The following CTNNB1 variants were observed in gnomAD, a reference collection of about 807,000 sequenced individuals.
CTNNB1 encodes catenin beta-1.
Under a neutral mutation model 82.5 loss-of-function variants are expected in CTNNB1, and 6 were observed. That is an observed-to-expected ratio of 0.07 (90% CI 0.04 to 0.14). CTNNB1 has a LOEUF of 0.14. CTNNB1 is among the 10% of genes least tolerant of loss of function. The pLI is 1.00. For synonymous variants in CTNNB1, 312 were observed against 329.7 expected (o/e 0.95, Z 0.58); for missense variants, 529 against 980.4 (o/e 0.54, Z 6.15).
chr3:41,234,606 A>G (rs2078389979), intron 10 of CTNNB1: 3 of 387,962 alleles, frequency 7.7e-6, no homozygotes, highest in Non-Finnish European at 1.5e-5. Flanking sequence ...AGGTAGAGTC[A>G]TAATTTGAGA....
Position 41,239,127 on chromosome 3 carries a change from CT to C in CTNNB1, c.2138-5del, listed in dbSNP as rs767180904. ...TGCCTATTTTGTTGACACCCTGACT[CT>C]TCTAGATCCTAGCTATCGTTCTTTT... On this transcript the variant is annotated splice_polypyrimidine_tract_variant and splice_region_variant and intron_variant, in intron 14 of 14. Transcript: ENST00000349496. 6.8e-6 allele frequency: 11 copies of C among 1,613,324 alleles called. No individual in the cohort carries two copies. Among genetic ancestry groups the C allele is most frequent in the Non-Finnish European group, 9.3e-6 (11 of 1,179,534 alleles).
chr3:41,216,736 C>T (rs939219559), intron 1 of CTNNB1, among the ~76,000 whole-genome samples: 2 of 152,106 alleles, frequency 1.3e-5, no homozygotes, highest in Admixed American at 6.5e-5. Flanking sequence ...ACTTCTCGGA[C>T]AGATATTTCT....
chr3:41,218,356 AT>A (rs2077960502), intron 1 of CTNNB1, among the ~76,000 whole-genome samples: 1 of 152,132 alleles, frequency 6.6e-6, no homozygotes, highest in Non-Finnish European at 1.5e-5. Context: ...TGTTATCTTA[AT>A]GATAACATTA....
At chr3:41,212,266 T>C (rs2077811612) in intron 1 of CTNNB1, among the ~76,000 whole-genome samples, 1 of 152,200 alleles carries the variant, frequency 6.6e-6, no homozygotes, top group African/African-American at 2.4e-5. Flanking sequence ...CAGCCAGATA[T>C]CTGGAACTTA....
At chr3:41,210,638 A>T (rs184235548) in intron 1 of CTNNB1, among the ~76,000 whole-genome samples, 2 of 152,182 alleles carry the variant, frequency 1.3e-5, no homozygotes, top group East Asian at 3.9e-4. Flanking sequence ...ATACCTCTTG[A>T]AGGACCTACC....
At position 41,240,443 on chromosome 3, in the gene CTNNB1, C is replaced by T. The variant is rs150729932; in HGVS notation, c.*1101C>T. 1.4e-4 allele frequency: 25 copies of T among 177,754 alleles called. No individual in the cohort carries two copies. The highest frequency in any genetic ancestry group is 2.0e-4 in the South Asian group (1 of 5,000). 11.0% of individuals were successfully genotyped at this position (177,754 alleles called of 1,614,324 possible). The stretch of plus-strand genomic sequence containing the variant: ...TTCAGAATTAAACTTTTAATTCATT[C>T]GATTGTGTCACTCTTTCTTTTTTTC... On this transcript the variant is annotated 3_prime_UTR_variant, in exon 15 of 15. Coordinates refer to ENST00000349496, the MANE Select transcript of CTNNB1 (RefSeq NM_001904.4).
At chr3:41,208,508 G>A (rs759912949) in intron 1 of CTNNB1, among the ~76,000 whole-genome samples, 2 of 152,038 alleles carry the variant, frequency 1.3e-5, no homozygotes, top group Non-Finnish European at 2.9e-5. Flanking sequence ...TAGTAAATAC[G>A]TCAGTTCCAA....
At chr3:41,234,754 G>C (rs978768902) in intron 10 of CTNNB1, 4 of 185,164 alleles carry the variant, frequency 2.2e-5, no homozygotes, top group African/African-American at 9.5e-5. Context: ...GAAATAAGTA[G>C]TAGCATTTCT....
At chr3:41,201,261 A>C (rs1218961512) in intron 1 of CTNNB1, among the ~76,000 whole-genome samples, 1 of 152,200 alleles carries the variant, frequency 6.6e-6, no homozygotes, top group Non-Finnish European at 1.5e-5. Context: ...AATTATTGAC[A>C]TAAATTTCTA....
In CTNNB1 at chr3:41,201,060, A is replaced by G. The variant is rs1280110147; in HGVS notation, c.-49+1390A>G. On this transcript the variant is annotated intron_variant, in intron 1 of 14. Transcript: ENST00000349496. ...GGCAGCATTTCCTTTCATAAAGTCT[A>G]GGCTAATGTTTTTCAGATCGCTAAG... Among the ~76,000 whole-genome samples, 3 of 152,204 alleles carry G rather than the reference A, an allele frequency of 2.0e-5. No individual in the cohort carries two copies. In the South Asian group the frequency reaches 6.2e-4, roughly 31 times the overall value.
At position 41,224,560 on chromosome 3, in the gene CTNNB1, A is replaced by G; in HGVS notation, c.48A>G (p.Pro16=). 4 of 1,613,954 alleles carry G rather than the reference A, an allele frequency of 2.5e-6. No homozygotes were observed. ...DLMELDMAME[P]DRKAAVSHWQ... ...TGGAGTTGGACATGGCCATGGAACCAGACAGAAAAGCGGCTGTTAGTCACT... is the reference window on the plus strand; with the variant it reads ...TGGAGTTGGACATGGCCATGGAACCGGACAGAAAAGCGGCTGTTAGTCACT... The change falls in exon 3 of 15, where the codon CCA becomes CCG. Residue 16 remains proline, a synonymous_variant. Coordinates refer to ENST00000349496, the MANE Select transcript of CTNNB1 (RefSeq NM_001904.4).
At chr3:41,226,951 G>A (rs2125626826) in intron 6 of CTNNB1, among the ~76,000 whole-genome samples, 1 of 152,202 alleles carries the variant, frequency 6.6e-6, no homozygotes, top group African/African-American at 2.4e-5. Flanking sequence ...GATCACTGTG[G>A]GAAGAAGGAA....
In CTNNB1 at chr3:41,234,266, C is replaced by T. The variant is rs2078379068; in HGVS notation, c.1652C>T (p.Thr551Met). The T allele has an allele frequency of 1.9e-6, 3 of 1,614,188 alleles. No individual in the cohort carries two copies. Among genetic ancestry groups the T allele is most frequent in the Non-Finnish European group, 2.5e-6 (3 of 1,180,042 alleles). Residue 551 changes from threonine to methionine, a missense_variant, in exon 10 of 15, where the codon ACG (threonine) becomes ATG (methionine). Physicochemically the swap from Thr to Met is moderately conservative, Grantham distance 81. Transcript: ENST00000349496. ...VRAHQDTQRRTSMGGTQQQFV... is the reference protein window; with the variant it reads ...VRAHQDTQRRMSMGGTQQQFV... Reference sequence around the variant, plus strand: ...GCACATCAGGATACCCAGCGCCGTACGTCCATGGGTGGGACACAGCAGCAA... The same window carrying T: ...GCACATCAGGATACCCAGCGCCGTATGTCCATGGGTGGGACACAGCAGCAA...
intron 10 of CTNNB1, 146 bp downstream of exon 10, chr3:41,234,443 A>AGTG (rs2078385721): frequency 1.2e-6 from 1 of 820,798 alleles, no homozygotes; most frequent in African/African-American, 1.7e-5. Context: ...ATAATTACAC[A>AGTG]TTTCTATGGC....
At chr3:41,214,070 C>T (rs1486307414) in intron 1 of CTNNB1, among the ~76,000 whole-genome samples, 3 of 152,194 alleles carry the variant, frequency 2.0e-5, no homozygotes, top group Non-Finnish European at 4.4e-5. Flanking sequence ...TCTCAAGGAG[C>T]TTACGCTAGT....
chr3:41,236,311 T>G, intron 11 of CTNNB1, 38 bp from the exon 12 acceptor site: 3 of 1,613,540 alleles, frequency 1.9e-6, no homozygotes, highest in Non-Finnish European at 2.5e-6. Flanking sequence ...TGTTTTAGCT[T>G]TAGATTTAAT....
At chr3:41,229,152 T>C (rs1332111729) in intron 7 of CTNNB1, among the ~76,000 whole-genome samples, 2 of 152,206 alleles carry the variant, frequency 1.3e-5, no homozygotes, top group Non-Finnish European at 2.9e-5. Flanking sequence ...TCCTCCAGTT[T>C]TGTTCTTTTT....
chr3:41,233,597 C>A lies in CTNNB1; in HGVS notation c.1254C>A (p.Thr418=), dbSNP rs2125639052. The part of the protein sequence containing the change: ...LLGSDDINVV[T]CAAGILSNLT... Reference sequence around the variant, plus strand: ...GTTCAGATGATATAAATGTGGTCACCTGTGCAGCTGGAATTCTTTCTAACC... The same window carrying A: ...GTTCAGATGATATAAATGTGGTCACATGTGCAGCTGGAATTCTTTCTAACC... Residue 418 remains threonine (T), a synonymous_variant, in exon 9 of 15, where the codon ACC becomes ACA. Transcript: ENST00000349496. 1.2e-6 allele frequency: 2 copies of A among 1,614,148 alleles called. No individual in the cohort carries two copies. Among genetic ancestry groups the A allele is most frequent in the Non-Finnish European group, 1.7e-6 (2 of 1,180,026 alleles).
intron 6 of CTNNB1, among the ~76,000 whole-genome samples, chr3:41,226,068 A>G (rs933185204): frequency 2.0e-5 from 3 of 152,122 alleles, no homozygotes; most frequent in African/African-American, 7.2e-5. Context: ...GGGAGCGTGC[A>G]GCCTAGATCC....
Sources: gnomAD v4.1 joint callset for allele counts (sites outside exome capture counted in the v4.1 genomes callset) on GRCh38, gnomAD v4.1.1 for gene constraint, MANE v1.5 for transcripts, NCBI Gene and HGNC (gene_info 2026-07-23, HGNC 2026-07-21) for gene names.